The following SGCG variants were observed in gnomAD, a reference collection of about 807,000 sequenced individuals.
SGCG encodes sarcoglycan gamma.
In SGCG, 26 loss-of-function variants were observed where a neutral mutation model predicts 29.3. The observed-to-expected ratio is 0.89, with a 90% CI of 0.65 to 1.23. The LOEUF (loss-of-function observed/expected upper bound fraction) is 1.23. Among genes scored for constraint, SGCG ranks in the 50% most tolerant of loss-of-function variants. The pLI is 0.00. For missense variants in SGCG, 353 were observed against 356.0 expected (o/e 0.99, Z 0.07); for synonymous variants, 145 against 129.7 (o/e 1.12, Z -0.80).
intron 4 of SGCG, among the ~76,000 whole-genome samples, chr13:23,274,749 T>C (rs575674813): frequency 6.6e-6 from 1 of 152,228 alleles, no homozygotes; most frequent in South Asian, 2.1e-4. Flanking sequence ...GCTGTGAAAC[T>C]ATTCCTTAGA....
chr13:23,208,690 A>C (rs1566000034), intron 2 of SGCG, among the ~76,000 whole-genome samples: 2 of 152,186 alleles, frequency 1.3e-5, no homozygotes, highest in Non-Finnish European at 2.9e-5. Context: ...TATAATATTT[A>C]GGACATTGTA....
At chr13:23,256,308 A>G (rs1233859838) in intron 4 of SGCG, among the ~76,000 whole-genome samples, 1 of 152,238 alleles carries the variant, frequency 6.6e-6, no homozygotes, top group Admixed American at 6.5e-5. Context: ...TTGAAATACC[A>G]GATAAATAAT....
At chr13:23,324,284 T>G in intron 7 of SGCG, 84 bp from the exon 8 acceptor site, 1 of 1,317,476 alleles carries the variant, frequency 7.6e-7, no homozygotes, top group Non-Finnish European at 1.1e-6. Context: ...AAGAAACTAA[T>G]TGGAAATCTT....
rs190617230 is a variant in SGCG at position 23,309,566 on chromosome 13, T to C, written c.579-11071T>C. Among the ~76,000 whole-genome samples, 250 of 152,356 alleles carry C rather than the reference T, an allele frequency of 1.6e-3. 1 individual carries two copies. Among genetic ancestry groups the C allele is most frequent in the African/African-American group, 5.8e-3 (240 of 41,586 alleles). ...AAATGTTGGCTAGAAAGAGTAACGA[T>C]GGACATCTGTGTTTACTTCCTGACT... On this transcript the variant is annotated intron_variant, in intron 6 of 7. Transcript: ENST00000218867.
intron 1 of SGCG, among the ~76,000 whole-genome samples, chr13:23,192,083 C>G (rs666418): frequency 0.95 from 143,428 of 150,866 alleles, 68,224 homozygotes; most frequent in East Asian, 1. Context: ...GCTGAGGCTG[C>G]AGAATGACGT....
intron 3 of SGCG, 94 bp from the exon 4 acceptor site, chr13:23,250,535 AT>A: frequency 1.4e-6 from 1 of 729,550 alleles, no homozygotes; most frequent in Non-Finnish European, 2.5e-6. Flanking sequence ...CAATGGATAA[AT>A]AATTTTATAA....
At chr13:23,258,479 C>G (rs1053575955) in intron 4 of SGCG, among the ~76,000 whole-genome samples, 1 of 152,164 alleles carries the variant, frequency 6.6e-6, no homozygotes, top group Non-Finnish European at 1.5e-5. Context: ...AATATACAAT[C>G]ATGTCATCTG....
At chr13:23,163,596 A>G in the SGCG span, among the ~76,000 whole-genome samples, 3 of 152,316 alleles carry the variant, frequency 2.0e-5, no homozygotes, top group Admixed American at 6.5e-5. Context: ...CATTATATCA[A>G]AGTATAGCTA....
intron 4 of SGCG, among the ~76,000 whole-genome samples, chr13:23,270,567 A>C (rs1880834639): frequency 6.6e-6 from 1 of 152,170 alleles, no homozygotes; most frequent in African/African-American, 2.4e-5. Flanking sequence ...TTTACCAATT[A>C]GGCATTTTAA....
In SGCG at chr13:23,285,853, C is replaced by T. The variant is rs116102818; in HGVS notation, c.505+6375C>T. On this transcript the variant is annotated intron_variant, in intron 5 of 7. Transcript: ENST00000218867. ...CACAGTCCTTCACGGCTTCCCTTGGCTAGGCGAGGGAGTTCTCCAACCCCT... is the reference window on the plus strand; with the variant it reads ...CACAGTCCTTCACGGCTTCCCTTGGTTAGGCGAGGGAGTTCTCCAACCCCT... 7.9e-3 allele frequency among the ~76,000 whole-genome samples: 1,203 copies of T among 152,288 alleles called. 19 individuals are homozygous for T. The highest frequency in any genetic ancestry group is 0.027 in the African/African-American group (1,113 of 41,560).
At chr13:23,262,558 G>A (rs1880482711) in intron 4 of SGCG, among the ~76,000 whole-genome samples, 1 of 151,976 alleles carries the variant, frequency 6.6e-6, no homozygotes, top group Admixed American at 6.6e-5. Flanking sequence ...AACAATAACA[G>A]TGGAGGACTT....
At chr13:23,251,742 AAG>A in intron 4 of SGCG, among the ~76,000 whole-genome samples, 1 of 152,292 alleles carries the variant, frequency 6.6e-6, no homozygotes, top group Non-Finnish European at 1.5e-5. Flanking sequence ...GTTTGAAAAA[AAG>A]AGAATAAGAA....
chr13:23,300,809 TA>T (rs58050317), intron 6 of SGCG, among the ~76,000 whole-genome samples: 7,895 of 122,158 alleles, frequency 0.065, 230 homozygotes, highest in African/African-American at 0.12. Flanking sequence ...ACTAGTTTAC[TA>T]AAAAAAAAAA....
intron 4 of SGCG, among the ~76,000 whole-genome samples, chr13:23,265,782 C>G (rs926510037): frequency 4.6e-5 from 7 of 151,878 alleles, no homozygotes; most frequent in Admixed American, 3.9e-4. Context: ...GATGTTGATA[C>G]GAATGTGGTG....
chr13:23,227,577 T>C (rs1330140203), intron 2 of SGCG, among the ~76,000 whole-genome samples: 2 of 152,132 alleles, frequency 1.3e-5, no homozygotes, highest in African/African-American at 4.8e-5. Flanking sequence ...ACACAACCAA[T>C]GGAATACAAC....
At chr13:23,292,387 G>A (rs770639452) in intron 5 of SGCG, among the ~76,000 whole-genome samples, 51 of 152,008 alleles carry the variant, frequency 3.4e-4, no homozygotes, top group Non-Finnish European at 6.2e-4. Flanking sequence ...TGGGATTACC[G>A]GCGTGAGCCA....
chr13:23,162,840 A>AAAT, the SGCG span, among the ~76,000 whole-genome samples: 1 of 152,084 alleles, frequency 6.6e-6, no homozygotes, highest in Admixed American at 6.5e-5. Flanking sequence ...AAAAATAAAT[A>AAAT]AATAAATAAT....
intron 4 of SGCG, among the ~76,000 whole-genome samples, chr13:23,255,477 G>C (rs1234112524): frequency 6.6e-6 from 1 of 152,200 alleles, no homozygotes; most frequent in Non-Finnish European, 1.5e-5. Flanking sequence ...AGGGATGATT[G>C]TATTTTACAA....
chr13:23,296,254 C>T (rs78763812), intron 6 of SGCG, among the ~76,000 whole-genome samples: 9,332 of 152,150 alleles, frequency 0.061, 335 homozygotes, highest in South Asian at 0.098. Context: ...CTTATGTGGC[C>T]GTGAAATGTG....
Sources: allele counts gnomAD v4.1 joint callset (sites outside exome capture counted in the v4.1 genomes callset), GRCh38; gene constraint gnomAD v4.1.1; transcripts MANE v1.5; gene names NCBI Gene and HGNC (gene_info 2026-07-23, HGNC 2026-07-21).